The following PDE4D variants were observed in gnomAD, a reference collection of about 807,000 sequenced individuals.
PDE4D encodes the protein phosphodiesterase 4D.
A neutral mutation model predicts 87.4 loss-of-function variants in PDE4D; 24 were observed. That is an observed-to-expected ratio of 0.27 (90% CI 0.20 to 0.39). PDE4D has a LOEUF of 0.39. Ranked by LOEUF, PDE4D falls within the 10% of genes least tolerant of loss-of-function variation. The pLI is 1.00. For synonymous variants in PDE4D, 384 were observed against 383.2 expected, an observed-to-expected ratio of 1.00 and a Z score of -0.02; for missense variants, 714 against 1,041.0, an observed-to-expected ratio of 0.69 and a Z score of 4.32.
At chr5:59,275,195 T>C in intron 1 of PDE4D, 1 of 622,462 alleles carries the variant, frequency 1.6e-6, no homozygotes, top group Non-Finnish European at 2.7e-6. Flanking sequence ...GCACATGAGT[T>C]TGGGAACAAA....
intron 1 of PDE4D, among the ~76,000 whole-genome samples, chr5:59,592,769 GA>G (rs576812234): frequency 9.2e-5 from 14 of 151,962 alleles, no homozygotes; most frequent in Middle Eastern, 3.4e-3. Context: ...ATCAAAAGTG[GA>G]AAAATGTTCA....
rs1784356281 is a variant in PDE4D, at chr5:59,374,160, C to T, written c.456-158192G>A. ...CCAGCTAACATCATGATGACAGAAT[C>T]AAATTCACACATAACAATATTAACC... On this transcript the variant is annotated intron_variant, in intron 1 of 14. Coordinates refer to ENST00000340635, the MANE Select transcript of PDE4D (RefSeq NM_001104631.2). Among the ~76,000 whole-genome samples, 2 of 152,126 alleles carry T rather than the reference C, an allele frequency of 1.3e-5. 1 individual carries two copies. The highest frequency in any genetic ancestry group is 1.3e-4 in the Admixed American group (2 of 15,270).
At chr5:59,444,583 C>A (rs546270735) in intron 1 of PDE4D, among the ~76,000 whole-genome samples, 1 of 152,138 alleles carries the variant, frequency 6.6e-6, no homozygotes, top group African/African-American at 2.4e-5. Flanking sequence ...GAGGCCGAGG[C>A]GGGCGGATCA....
chr5:59,624,691 A>G (rs991350068), intron 1 of PDE4D, among the ~76,000 whole-genome samples: 7 of 152,202 alleles, frequency 4.6e-5, no homozygotes, highest in African/African-American at 1.7e-4. Flanking sequence ...TTTCAATTAC[A>G]TGGTTATTTC....
intron 2 of PDE4D, among the ~76,000 whole-genome samples, chr5:60,078,515 C>T (rs1349217836): frequency 6.6e-6 from 1 of 151,834 alleles, no homozygotes; most frequent in African/African-American, 2.4e-5. Flanking sequence ...CACCTATTGA[C>T]CATCCTCTAA....
intron 5 of PDE4D, among the ~76,000 whole-genome samples, chr5:59,176,543 A>G (rs6883912): frequency 0.26 from 39,411 of 150,652 alleles, 5,716 homozygotes; most frequent in African/African-American, 0.37. Flanking sequence ...CGATAAGAGC[A>G]AAACTCTATC....
At chr5:60,087,811 A>T (rs563179641) in intron 2 of PDE4D, among the ~76,000 whole-genome samples, 1 of 152,184 alleles carries the variant, frequency 6.6e-6, no homozygotes, top group Non-Finnish European at 1.5e-5. Context: ...TATGTAAAAG[A>T]GGAAAAGGTC....
chr5:59,400,728 TATA>T (rs1259000502), intron 1 of PDE4D, among the ~76,000 whole-genome samples: 1 of 124,920 alleles, frequency 8.0e-6, no homozygotes, highest in African/African-American at 3.2e-5. Context: ...AAACTTAAAG[TATA>T]ATAATAAAAA....
At chr5:59,276,203 G>C (rs1259862119) in intron 1 of PDE4D, 10 of 909,168 alleles carry the variant, frequency 1.1e-5, no homozygotes, top group Non-Finnish European at 1.3e-5. Flanking sequence ...GCAAAGGGGC[G>C]GATCAGCTCC....
chr5:59,338,487 A>G (rs1194847829), intron 1 of PDE4D, among the ~76,000 whole-genome samples: 2 of 152,218 alleles, frequency 1.3e-5, no homozygotes, highest in Non-Finnish European at 2.9e-5. Flanking sequence ...AATCATGTGC[A>G]TGTCCAGTCT....
intron 1 of PDE4D, among the ~76,000 whole-genome samples, chr5:60,335,804 A>G (rs1162332793): frequency 6.6e-6 from 1 of 152,202 alleles, no homozygotes; most frequent in Non-Finnish European, 1.5e-5. Context: ...GTTAAGGCCT[A>G]GTCAAGAAGG....
At chr5:59,985,567 T>C (rs1169088153) in intron 3 of PDE4D, among the ~76,000 whole-genome samples, 2 of 152,218 alleles carry the variant, frequency 1.3e-5, no homozygotes, top group East Asian at 1.9e-4. Flanking sequence ...ACAATACCTT[T>C]AATATCTACT....
At chr5:59,973,937 G>A (rs911291063) in intron 3 of PDE4D, among the ~76,000 whole-genome samples, 3 of 152,076 alleles carry the variant, frequency 2.0e-5, no homozygotes, top group Non-Finnish European at 4.4e-5. Flanking sequence ...TTGGTTCCAG[G>A]TCTCAATCAT....
chr5:60,068,971 T>A (rs550913120), intron 2 of PDE4D, among the ~76,000 whole-genome samples: 4 of 152,326 alleles, frequency 2.6e-5, no homozygotes, highest in African/African-American at 9.6e-5. Context: ...TTCTAGTAGT[T>A]TTATAGTCTT....
At chr5:59,355,993 A>T (rs1197837238) in intron 1 of PDE4D, among the ~76,000 whole-genome samples, 3 of 152,192 alleles carry the variant, frequency 2.0e-5, no homozygotes, top group African/African-American at 7.2e-5. Flanking sequence ...ACTTCTATTT[A>T]CTATTGATTA....
At position 58,971,874 on chromosome 5, in the gene PDE4D, A is replaced by G. The variant is rs1423447125; in HGVS notation, c.*2790T>C. On this transcript the variant is annotated 3_prime_UTR_variant, in exon 15 of 15. Transcript: ENST00000340635. ...TATATTTCTGAAGCACACTTTGGCA[A>G]GAGAGAAGGGCAAGGATAAGCAGAT... The G allele has an allele frequency of 6.6e-6, 1 of 152,580 alleles. No individual in the cohort carries two copies. The highest frequency in any genetic ancestry group is 1.5e-5 in the Non-Finnish European group (1 of 68,024). The allele number at this position is 152,580 out of a possible 1,614,324, so 9.5% of individuals were successfully genotyped here.
chr5:59,693,852 G>A (rs907226159), intron 1 of PDE4D, among the ~76,000 whole-genome samples: 4 of 152,122 alleles, frequency 2.6e-5, no homozygotes, highest in Admixed American at 2.0e-4. Context: ...CAATAAGCTC[G>A]GAGTAGTCTA....
At chr5:59,552,189 A>T (rs1230293453) in intron 1 of PDE4D, among the ~76,000 whole-genome samples, 3 of 152,214 alleles carry the variant, frequency 2.0e-5, no homozygotes, top group Non-Finnish European at 4.4e-5. Context: ...ATTGTACTCC[A>T]GCCTGGACAA....
chr5:59,490,263 A>C (rs1805943416), intron 1 of PDE4D, among the ~76,000 whole-genome samples: 1 of 152,182 alleles, frequency 6.6e-6, no homozygotes, highest in Non-Finnish European at 1.5e-5. Context: ...AATATTTTAA[A>C]ATATTTAATA....
Sources: allele counts gnomAD v4.1 joint callset (sites outside exome capture counted in the v4.1 genomes callset), GRCh38; gene constraint gnomAD v4.1.1; transcripts MANE v1.5; gene names NCBI Gene and HGNC (gene_info 2026-07-23, HGNC 2026-07-21).